MACROD2: variants seen among roughly 807,000 people sequenced by gnomAD.
MACROD2 encodes ADP-ribose glycohydrolase MACROD2.
MACROD2 carries 36 observed loss-of-function variants against 70.4 expected under a neutral mutation model. The ratio of observed to expected loss-of-function variants is 0.51; its 90% confidence interval spans 0.39 to 0.68. MACROD2 has a LOEUF of 0.68. Ranked by LOEUF, MACROD2 falls within the 30% of genes least tolerant of loss-of-function variation. MACROD2 has a pLI of 0.00. For synonymous variants in MACROD2, 172 were observed against 178.8 expected (o/e 0.96, Z 0.30); for missense variants, 496 against 538.4 (o/e 0.92, Z 0.78).
At chr20:14,954,197 A>G (rs1422525044) in intron 5 of MACROD2, among the ~76,000 whole-genome samples, 2 of 152,072 alleles carry the variant, frequency 1.3e-5, no homozygotes, top group East Asian at 3.9e-4. Flanking sequence ...CAGCTTATAA[A>G]CTATTCTTCA....
chr20:15,835,432 T>C (rs1326537356), intron 8 of MACROD2, among the ~76,000 whole-genome samples: 1 of 152,102 alleles, frequency 6.6e-6, no homozygotes, highest in Admixed American at 6.6e-5. Flanking sequence ...TTATGAATAG[T>C]AACAGCTATT....
At chr20:15,088,728 A>G (rs1568567656) in intron 5 of MACROD2, among the ~76,000 whole-genome samples, 1 of 151,714 alleles carries the variant, frequency 6.6e-6, no homozygotes, top group African/African-American at 2.4e-5. Flanking sequence ...ATATATAATA[A>G]CTCTAACTTA....
chr20:15,313,657 A>T (rs1040194037), intron 6 of MACROD2, among the ~76,000 whole-genome samples: 1 of 152,100 alleles, frequency 6.6e-6, no homozygotes, highest in Non-Finnish European at 1.5e-5. Flanking sequence ...CTTAATGAAC[A>T]AGTCAAGGAA....
intron 8 of MACROD2, among the ~76,000 whole-genome samples, chr20:15,740,385 T>A (rs1001711776): frequency 6.6e-6 from 1 of 152,150 alleles, no homozygotes; most frequent in Admixed American, 6.5e-5. Context: ...CTTAGTCAAA[T>A]TAATTCCCTG....
chr20:14,703,179 T>A (rs1344858149), intron 5 of MACROD2, among the ~76,000 whole-genome samples: 1 of 152,172 alleles, frequency 6.6e-6, no homozygotes, highest in African/African-American at 2.4e-5. Flanking sequence ...TTTCCTGTTA[T>A]AAACAATACT....
chr20:14,658,152 C>T (rs944430156), intron 4 of MACROD2, among the ~76,000 whole-genome samples: 1 of 152,076 alleles, frequency 6.6e-6, no homozygotes, highest in African/African-American at 2.4e-5. Context: ...TAAGGTTTAG[C>T]AATCTTGTTG....
chr20:14,182,380 C>T (rs1295510635), intron 3 of MACROD2, among the ~76,000 whole-genome samples: 1 of 151,880 alleles, frequency 6.6e-6, no homozygotes, highest in Non-Finnish European at 1.5e-5. Context: ...AATACTAGAC[C>T]TTTATCAGGT....
intron 3 of MACROD2, among the ~76,000 whole-genome samples, chr20:14,422,645 A>G (rs1483621616): frequency 6.6e-6 from 1 of 152,086 alleles, no homozygotes; most frequent in Non-Finnish European, 1.5e-5. Context: ...ATTTGCATGG[A>G]TACTAGTTAA....
At chr20:14,127,814 G>T in intron 3 of MACROD2, 1 of 461,248 alleles carries the variant, frequency 2.2e-6, no homozygotes. Context: ...AGAAAGGAGA[G>T]AAGGAGAAAA....
At chr20:15,363,622 CA>C (rs1330533872) in intron 6 of MACROD2, among the ~76,000 whole-genome samples, 1 of 152,164 alleles carries the variant, frequency 6.6e-6, no homozygotes, top group East Asian at 1.9e-4. Flanking sequence ...AACTCTTCTG[CA>C]GGCAAACGTT....
chr20:15,166,766 G>GA (rs1447886464), intron 5 of MACROD2, among the ~76,000 whole-genome samples: 1 of 150,914 alleles, frequency 6.6e-6, no homozygotes, highest in Non-Finnish European at 1.5e-5. Context: ...TTAAAAATCA[G>GA]AAAAAAAGCC....
chr20:14,084,082 C>A (rs2423775), intron 2 of MACROD2, among the ~76,000 whole-genome samples: 111,193 of 112,422 alleles, frequency 0.99, 55,029 homozygotes, highest in East Asian at 1. Flanking sequence ...AAAAAACAAA[C>A]AAAAAAAAAC....
intron 8 of MACROD2, among the ~76,000 whole-genome samples, chr20:15,684,530 T>C (rs180978271): frequency 6.6e-6 from 1 of 152,212 alleles, no homozygotes; most frequent in Non-Finnish European, 1.5e-5. Flanking sequence ...ATCACAAGGG[T>C]AAGCTCATTT....
At chr20:15,903,296 C>G (rs1015757808) in intron 10 of MACROD2, among the ~76,000 whole-genome samples, 1 of 152,160 alleles carries the variant, frequency 6.6e-6, no homozygotes, top group African/African-American at 2.4e-5. Context: ...GAGCCGAGAT[C>G]GTGGCAGAGT....
intron 5 of MACROD2, among the ~76,000 whole-genome samples, chr20:14,863,838 C>T (rs976874102): frequency 1.3e-5 from 2 of 152,026 alleles, no homozygotes; most frequent in South Asian, 2.1e-4. Context: ...AGCTAGAAAG[C>T]GGCCAAGCCA....
intron 6 of MACROD2, among the ~76,000 whole-genome samples, chr20:15,424,133 A>C (rs974472351): frequency 6.6e-6 from 1 of 152,194 alleles, no homozygotes; most frequent in Non-Finnish European, 1.5e-5. Context: ...GCACCATCAC[A>C]GTGGGACCAG....
chr20:15,322,087 G>A (rs1242546912), intron 6 of MACROD2, among the ~76,000 whole-genome samples: 2 of 143,624 alleles, frequency 1.4e-5, no homozygotes, highest in Non-Finnish European at 3.1e-5. Context: ...CACTGCACCC[G>A]GCCACTACAC....
chr20:14,424,748 G>C (rs1328119634), intron 3 of MACROD2, among the ~76,000 whole-genome samples: 1 of 152,132 alleles, frequency 6.6e-6, no homozygotes, highest in Non-Finnish European at 1.5e-5. Context: ...AGCATCCCTG[G>C]AGCCCCAATC....
At chr20:15,376,930 G>A (rs571393809) in intron 6 of MACROD2, among the ~76,000 whole-genome samples, 76 of 151,920 alleles carry the variant, frequency 5.0e-4, no homozygotes, top group African/African-American at 1.7e-3. Flanking sequence ...TCACTCTGTC[G>A]CCCAGGCTGG....
Sources: allele counts gnomAD v4.1 joint callset (sites outside exome capture counted in the v4.1 genomes callset), GRCh38; gene constraint gnomAD v4.1.1; transcripts MANE v1.5; gene names NCBI Gene and HGNC (gene_info 2026-07-23, HGNC 2026-07-21).